The following DPM1 variants were observed in gnomAD, a reference collection of about 807,000 sequenced individuals.
The protein encoded by DPM1 is dolichol-phosphate mannosyltransferase subunit 1.
In DPM1, 27 loss-of-function variants were observed where a neutral mutation model predicts 39.0. The observed-to-expected ratio is 0.69, with a 90% confidence interval of 0.51 to 0.95. The LOEUF (loss-of-function observed/expected upper bound fraction) is 0.95. Among genes scored for constraint, DPM1 ranks in the 40% least tolerant of loss-of-function variants. The pLI, the probability that DPM1 is intolerant of heterozygous loss-of-function variation, is 0.00. For missense variants in DPM1, 307 were observed against 315.6 expected (o/e 0.97, Z 0.21); for synonymous variants, 124 against 109.0 (o/e 1.14, Z -0.86).
Position 50,934,902 on chromosome 20 carries a change from G to A in DPM1, c.*230C>T. 2.6e-6 allele frequency: 1 copy of A among 384,158 alleles called. No individual in the cohort carries two copies. Among genetic ancestry groups the A allele is most frequent in the East Asian group, 5.0e-5 (1 of 19,984 alleles). The allele number at this position is 384,158 out of a possible 1,614,324, so 23.8% of individuals were successfully genotyped here. On this transcript the variant is annotated 3_prime_UTR_variant, in exon 9 of 9. Coordinates refer to ENST00000371588, the MANE Select transcript of DPM1 (RefSeq NM_003859.3). ...AAAAAAAAATATACATTTATTTATA[G>A]GTCTCAATACAGCAAAATGAAAACG...
At chr20:50,936,349 A>G (rs1568757917) in intron 7 of DPM1, 87 bp from the exon 8 acceptor site, 1 of 869,400 alleles carries the variant, frequency 1.2e-6, no homozygotes, top group Non-Finnish European at 1.8e-6. Flanking sequence ...ACTGGTATGT[A>G]TAAAGCCTAA....
At chr20:50,941,263 T>TATATATATAC (rs1491148504) in intron 6 of DPM1, 1 of 156,022 alleles carries the variant, frequency 6.4e-6, no homozygotes, top group East Asian at 1.4e-4. Context: ...TATATATATA[T>TATATATATAC]AAATAAAATA....
At chr20:50,941,956 A>T (rs952249943) in intron 6 of DPM1, 75 bp downstream of exon 6, 11 of 1,261,396 alleles carry the variant, frequency 8.7e-6, no homozygotes, top group Non-Finnish European at 1.2e-5. Flanking sequence ...GCAGCATGAT[A>T]GCTAATCCAA....
At chr20:50,955,529 T>A (rs1986781120) in intron 1 of DPM1, among the ~76,000 whole-genome samples, 1 of 152,204 alleles carries the variant, frequency 6.6e-6, no homozygotes, top group African/African-American at 2.4e-5. Context: ...GAGAACAAAC[T>A]TTTTAGTTCA....
intron 5 of DPM1, among the ~76,000 whole-genome samples, chr20:50,943,429 G>A (rs943478164): frequency 1.6e-4 from 24 of 150,218 alleles, no homozygotes; most frequent in African/African-American, 4.9e-4. Context: ...GCGCCATCTC[G>A]GCTCACTGCA....
At chr20:50,953,911 T>C (rs1568773445) in intron 2 of DPM1, among the ~76,000 whole-genome samples, 1 of 152,228 alleles carries the variant, frequency 6.6e-6, no homozygotes, top group Non-Finnish European at 1.5e-5. Flanking sequence ...AAGTCTCTGC[T>C]AGAAGCCTGA....
At chr20:50,941,375 T>C (rs1292098955) in intron 6 of DPM1, among the ~76,000 whole-genome samples, 20 of 138,150 alleles carry the variant, frequency 1.4e-4, no homozygotes, top group African/African-American at 5.5e-4. Flanking sequence ...ATATTCATAT[T>C]ATATATATTC....
At chr20:50,946,040 A>G (rs908273087) in intron 3 of DPM1, 117 bp from the exon 4 acceptor site, 8 of 874,040 alleles carry the variant, frequency 9.2e-6, no homozygotes, top group Non-Finnish European at 1.5e-5. Context: ...TAAAAGTCAG[A>G]TTAATAAATT....
intron 2 of DPM1, 55 bp from the exon 3 acceptor site, chr20:50,948,717 AAATTTT>A: frequency 6.6e-7 from 1 of 1,516,300 alleles, no homozygotes; most frequent in Non-Finnish European, 9.2e-7. Flanking sequence ...TTATCATGTT[AAATTTT>A]ATCTTATTCA....
intron 7 of DPM1, among the ~76,000 whole-genome samples, 168 bp downstream of exon 7, chr20:50,940,697 C>T (rs912394974): frequency 1.3e-5 from 2 of 152,180 alleles, no homozygotes; most frequent in African/African-American, 2.4e-5. Flanking sequence ...CACAATATGT[C>T]TCCTTGAGAT....
At position 50,945,729 on chromosome 20, in the gene DPM1, G is replaced by C. The variant is rs1024343339; in HGVS notation, c.398+8C>G. On this transcript the variant is annotated splice_region_variant and intron_variant, in intron 5 of 8. Transcript: ENST00000371588. The stretch of plus-strand genomic sequence containing the variant: ...ATATTTCTTTCAAATATTAGAAATA[G>C]TACCTACCTAATAAATTCAGGAATA... 2 of 1,551,710 alleles carry C rather than the reference G, an allele frequency of 1.3e-6. No homozygotes were observed. The highest frequency in any genetic ancestry group is 2.7e-5 in the African/African-American group (2 of 73,516).
chr20:50,935,103 G>C lies in DPM1; in HGVS notation c.*29C>G. On this transcript the variant is annotated 3_prime_UTR_variant, in exon 9 of 9. Coordinates refer to ENST00000371588, the MANE Select transcript of DPM1 (RefSeq NM_003859.3). Reference sequence around the variant, plus strand: ...GCTTCTTTCATGTTTAACCTGAAATGAACGTAACTATAAATGAGTATCTTT... The same window carrying C: ...GCTTCTTTCATGTTTAACCTGAAATCAACGTAACTATAAATGAGTATCTTT... The C allele has an allele frequency of 7.9e-7, 1 of 1,271,088 alleles. No homozygotes were observed. The highest frequency in any genetic ancestry group is 1.1e-6 in the Non-Finnish European group (1 of 869,860). The allele number at this position is 1,271,088 out of a possible 1,614,324, so 78.7% of individuals were successfully genotyped here.
At chr20:50,941,257 T>TATATATATATATAA (rs1985736551) in intron 6 of DPM1, 1 of 169,310 alleles carries the variant, frequency 5.9e-6, no homozygotes, top group South Asian at 2.1e-4. Flanking sequence ...TATATATATA[T>TATATATATATATAA]ATATATAAAT....
chr20:50,941,595 C>T (rs1055825631), intron 6 of DPM1, among the ~76,000 whole-genome samples: 1 of 151,670 alleles, frequency 6.6e-6, no homozygotes, highest in Non-Finnish European at 1.5e-5. Flanking sequence ...ACAGTCCCAG[C>T]TACTCGGGAG....
intron 2 of DPM1, among the ~76,000 whole-genome samples, chr20:50,952,721 G>A (rs1198919767): frequency 6.6e-6 from 1 of 152,180 alleles, no homozygotes; most frequent in Non-Finnish European, 1.5e-5. Context: ...ATGGACAGAA[G>A]TTTAATATTT....
At chr20:50,948,699 C>G in intron 2 of DPM1, 37 bp from the exon 3 acceptor site, 1 of 1,587,094 alleles carries the variant, frequency 6.3e-7, no homozygotes, top group South Asian at 1.1e-5. Context: ...CACACAGAAA[C>G]AGAAATCTTA....
chr20:50,952,880 C>A (rs1004358803), intron 2 of DPM1, among the ~76,000 whole-genome samples: 1 of 152,130 alleles, frequency 6.6e-6, no homozygotes, highest in Non-Finnish European at 1.5e-5. Flanking sequence ...CCACACAGCA[C>A]GGTGACTATA....
intron 2 of DPM1, among the ~76,000 whole-genome samples, chr20:50,949,994 C>A (rs1479007070): frequency 6.6e-6 from 1 of 152,194 alleles, no homozygotes; most frequent in Non-Finnish European, 1.5e-5. Flanking sequence ...GAACTTCCTA[C>A]TGCCATTTTG....
chr20:50,956,520 C>T (rs1239452300), intron 1 of DPM1, among the ~76,000 whole-genome samples: 4 of 147,020 alleles, frequency 2.7e-5, no homozygotes, highest in South Asian at 2.1e-4. Context: ...AGCAAGACTC[C>T]GTCTCCAAAA....
Sources: allele counts gnomAD v4.1 joint callset (sites outside exome capture counted in the v4.1 genomes callset), GRCh38; gene constraint gnomAD v4.1.1; transcripts MANE v1.5; gene names NCBI Gene and HGNC (gene_info 2026-07-23, HGNC 2026-07-21).